Variants in MYT1L observed in about 807,000 individuals in gnomAD.
MYT1L encodes myelin transcription factor 1 like.
Under a neutral mutation model 126.7 loss-of-function variants are expected in MYT1L, and 12 were observed. The observed-to-expected ratio is 0.09, with a 90% confidence interval of 0.06 to 0.15. The LOEUF is 0.15. Ranked by LOEUF, MYT1L falls within the 10% of genes least tolerant of loss-of-function variation. The pLI is 1.00. For synonymous variants in MYT1L, 541 were observed against 604.2 expected (o/e 0.90, Z 1.53); for missense variants, 979 against 1,585.2 (o/e 0.62, Z 6.49).
intron 18 of MYT1L, among the ~76,000 whole-genome samples, chr2:1,885,027 C>A (rs2048002182): frequency 6.6e-6 from 1 of 152,226 alleles, no homozygotes; most frequent in African/African-American, 2.4e-5. Flanking sequence ...TCCCTGCAGT[C>A]TCTGACCAGT....
At chr2:1,875,164 G>A (rs1411642727) in intron 18 of MYT1L, among the ~76,000 whole-genome samples, 1 of 152,200 alleles carries the variant, frequency 6.6e-6, no homozygotes, top group Non-Finnish European at 1.5e-5. Context: ...ATGTTCCGGC[G>A]CAGGCGGAAG....
chr2:2,329,076 G>A (rs749876411), intron 1 of MYT1L, among the ~76,000 whole-genome samples: 4 of 152,202 alleles, frequency 2.6e-5, no homozygotes, highest in Admixed American at 6.5e-5. Flanking sequence ...GAAAGGGAAG[G>A]CAGAGAAGCC....
chr2:2,296,900 C>T lies in MYT1L; in HGVS notation c.-520-12397G>A, dbSNP rs188407289. 6.4e-4 allele frequency among the ~76,000 whole-genome samples: 97 copies of T among 152,272 alleles called. 1 individual carries two copies. Among genetic ancestry groups the T allele is most frequent in the Admixed American group, 5.1e-3 (78 of 15,292 alleles). On this transcript the variant is annotated intron_variant, in intron 1 of 24. Coordinates refer to ENST00000647738, the MANE Select transcript of MYT1L (RefSeq NM_001303052.2). ...CCCAGAGCCTCCTCATAGCAATGCCCCTGGTGCACAGAAAACAAATGATGC... is the reference window on the plus strand; with the variant it reads ...CCCAGAGCCTCCTCATAGCAATGCCTCTGGTGCACAGAAAACAAATGATGC...
intron 3 of MYT1L, among the ~76,000 whole-genome samples, chr2:2,148,375 T>C (rs903332437): frequency 6.6e-6 from 1 of 152,148 alleles, no homozygotes; most frequent in Admixed American, 6.5e-5. Context: ...AGTGTTCGAA[T>C]TCCCATGAGA....
At chr2:1,868,093 A>T (rs13420785) in intron 18 of MYT1L, among the ~76,000 whole-genome samples, 7,251 of 152,114 alleles carry the variant, frequency 0.048, 233 homozygotes, top group Non-Finnish European at 0.059. Flanking sequence ...CAGCCTCCCA[A>T]GTAGCTGGGA....
chr2:2,320,521 C>T (rs919289233), intron 1 of MYT1L, among the ~76,000 whole-genome samples: 3 of 151,496 alleles, frequency 2.0e-5, no homozygotes, highest in Non-Finnish European at 4.4e-5. Flanking sequence ...AAAGGAATTT[C>T]CCTTGGAGGG....
intron 4 of MYT1L, among the ~76,000 whole-genome samples, chr2:2,025,574 T>G (rs1468739842): frequency 2.6e-5 from 4 of 152,206 alleles, no homozygotes; most frequent in African/African-American, 7.2e-5. Flanking sequence ...TGGAATAGTG[T>G]AGGGGAACTT....
At chr2:1,843,571 A>G (rs2042114928) in intron 19 of MYT1L, among the ~76,000 whole-genome samples, 1 of 150,808 alleles carries the variant, frequency 6.6e-6, no homozygotes, top group African/African-American at 2.4e-5. Context: ...AGGGAGAGTT[A>G]CTGCGGTATC....
intron 18 of MYT1L, among the ~76,000 whole-genome samples, chr2:1,869,177 C>A (rs1484665739): frequency 6.9e-6 from 1 of 145,978 alleles, no homozygotes; most frequent in Non-Finnish European, 1.5e-5. Flanking sequence ...GCCACTGTAC[C>A]TCCACCAGAG....
At chr2:2,215,249 A>G (rs1228342664) in intron 2 of MYT1L, among the ~76,000 whole-genome samples, 1 of 152,174 alleles carries the variant, frequency 6.6e-6, no homozygotes, top group African/African-American at 2.4e-5. Context: ...AGTAATAAAA[A>G]TGCAGAAGTT....
chr2:1,917,660 T>A lies in MYT1L; in HGVS notation c.1484-321A>T, dbSNP rs1277497136. Reference sequence around the variant, plus strand: ...TGTTGCTCAAAGGAATCAACGTAAATCGTGATGAGACAGTGACCTTCTTAG... The same window carrying A: ...TGTTGCTCAAAGGAATCAACGTAAAACGTGATGAGACAGTGACCTTCTTAG... On this transcript the variant is annotated intron_variant, in intron 10 of 24. Coordinates refer to ENST00000647738, the MANE Select transcript of MYT1L (RefSeq NM_001303052.2). This position sits in a 1 kb window ranked among gnomAD's most constrained non-coding sequence, Gnocchi z 5.9. 6.6e-6 allele frequency among the ~76,000 whole-genome samples: 1 copy of A among 152,204 alleles called. No individual in the cohort carries two copies. Among genetic ancestry groups the A allele is most frequent in the African/African-American group, 2.4e-5 (1 of 41,452 alleles).
At chr2:1,899,644 G>A (rs13022930) in intron 14 of MYT1L, among the ~76,000 whole-genome samples, 4,173 of 152,320 alleles carry the variant, frequency 0.027, 83 homozygotes, top group Non-Finnish European at 0.043. Context: ...CACTGGCTGT[G>A]CTCACCATCC....
chr2:1,923,231 T>C lies in MYT1L; in HGVS notation c.538A>G (p.Ile180Val). The C allele has an allele frequency of 1.2e-6, 2 of 1,603,658 alleles. No homozygotes were observed. Among genetic ancestry groups the C allele is most frequent in the Non-Finnish European group, 1.7e-6 (2 of 1,173,856 alleles). ...TCATCCTTTTCTGTGTCTTGCATTATTCGAGTATTGTGACAATTCATTTGA... is the reference window on the plus strand; with the variant it reads ...TCATCCTTTTCTGTGTCTTGCATTACTCGAGTATTGTGACAATTCATTTGA... ...DHQMNCHNTR[I>V]MQDTEKDDNN... The change falls in exon 10 of 25, where the codon ATA becomes GTA. Residue 180 changes from isoleucine (I) to valine (V), a missense_variant. By Grantham distance (29) the Ile-to-Val change is conservative. This residue lies in a region of MYT1L where 243 missense variants were observed against 363.9 expected (regional missense o/e 0.67). Coordinates refer to ENST00000647738, the MANE Select transcript of MYT1L (RefSeq NM_001303052.2).
At position 1,889,855 on chromosome 2, in the gene MYT1L, G is replaced by A. The variant is rs572553272; in HGVS notation, c.2284-378C>T. On this transcript the variant is annotated intron_variant, in intron 15 of 24. Coordinates refer to ENST00000647738, the MANE Select transcript of MYT1L (RefSeq NM_001303052.2). The surrounding 1 kb of genome is among the most constrained non-coding windows in gnomAD (Gnocchi z 4.1). ...AGTGCTTAATTTTAATTTTATTACC[G>A]TTGCAAATACCTAAGAGATAAAAAT... Among the ~76,000 whole-genome samples, 22 of 151,958 alleles carry A rather than the reference G, an allele frequency of 1.4e-4. No individual in the cohort carries two copies. The highest frequency in any genetic ancestry group is 3.9e-4 in the Admixed American group (6 of 15,266).
At chr2:2,169,823 C>T (rs896943035) in intron 3 of MYT1L, among the ~76,000 whole-genome samples, 8 of 152,200 alleles carry the variant, frequency 5.3e-5, no homozygotes, top group South Asian at 2.1e-4. Context: ...TTGGCTTATG[C>T]GCGGTTTTAT....
At chr2:1,973,919 C>T (rs530431418) in intron 8 of MYT1L, among the ~76,000 whole-genome samples, 66 of 152,346 alleles carry the variant, frequency 4.3e-4, no homozygotes, top group African/African-American at 1.5e-3. Flanking sequence ...ACGGGGCCTT[C>T]CCAGCCAGCA....
intron 21 of MYT1L, among the ~76,000 whole-genome samples, chr2:1,838,221 C>T (rs1043023576): frequency 6.6e-6 from 1 of 151,992 alleles, no homozygotes. Context: ...GCCAATTTTT[C>T]TCTTTAAACC....
At chr2:2,245,834 G>C (rs2094524437) in intron 2 of MYT1L, among the ~76,000 whole-genome samples, 1 of 152,192 alleles carries the variant, frequency 6.6e-6, no homozygotes, top group African/African-American at 2.4e-5. Flanking sequence ...TCAAGTCAGA[G>C]AGGGATTTGG....
chr2:2,003,413 C>T (rs571603433), intron 4 of MYT1L, among the ~76,000 whole-genome samples: 22 of 152,280 alleles, frequency 1.4e-4, no homozygotes, highest in African/African-American at 3.6e-4. Context: ...GTTTGCCCAC[C>T]GTCACCCTGG....
Sources: gnomAD v4.1 joint callset for allele counts (sites outside exome capture counted in the v4.1 genomes callset) on GRCh38, gnomAD v4.1.1 for gene constraint, gnomAD v4.1.1 regional missense constraint, Gnocchi (gnomAD v3.1) non-coding constraint, MANE v1.5 for transcripts, NCBI Gene and HGNC (gene_info 2026-07-23, HGNC 2026-07-21) for gene names.